PDK1: variants seen among roughly 807,000 people sequenced by gnomAD.
PDK1 encodes pyruvate dehydrogenase kinase 1.
PDK1 carries 39 observed loss-of-function variants against 54.2 expected under a neutral mutation model. The ratio of observed to expected loss-of-function variants is 0.72; its 90% CI spans 0.56 to 0.94. The LOEUF is 0.94. Among genes scored for constraint, PDK1 ranks in the 40% least tolerant of loss-of-function variants. The pLI is 0.00. For missense variants in PDK1, 552 were observed against 566.0 expected (o/e 0.98, Z 0.25); for synonymous variants, 221 against 207.1 (o/e 1.07, Z -0.58).
rs1046825462 is a variant in PDK1 at position 172,602,709 on chromosome 2, T to C, written c.*6740T>C. On this transcript the variant is annotated 3_prime_UTR_variant, in exon 11 of 11. Coordinates refer to ENST00000282077, the MANE Select transcript of PDK1 (RefSeq NM_002610.5). ...GAGCATAGAGGAAAGAAACATCTTA[T>C]GTTTCTGTGTTTGGGTAAACATTAG... is the stretch of plus-strand genomic sequence containing the variant. 6.6e-6 allele frequency: 1 copy of C among 152,246 alleles called. No homozygotes were observed. Among genetic ancestry groups the C allele is most frequent in the African/African-American group, 2.4e-5 (1 of 41,472 alleles). The allele number at this position is 152,246 out of a possible 1,614,324, so 9.4% of individuals were successfully genotyped here.
At chr2:172,610,241 C>T (rs1351386372), downstream of PDK1, among the ~76,000 whole-genome samples, 2 of 152,134 alleles carry the variant, frequency 1.3e-5, no homozygotes, top group Non-Finnish European at 2.9e-5. Flanking sequence ...AGTGGCTTTT[C>T]TTGGTTTATC....
chr2:172,720,921 G>T, the PDK1 span, among the ~76,000 whole-genome samples: 1 of 152,048 alleles, frequency 6.6e-6, no homozygotes, highest in African/African-American at 2.4e-5. Flanking sequence ...GACTCCCTCT[G>T]GTCCCCCACC....
the PDK1 span, among the ~76,000 whole-genome samples, chr2:172,628,884 T>C: frequency 3.4e-3 from 521 of 152,272 alleles, 4 homozygotes; most frequent in African/African-American, 0.012. Context: ...TTTGGGAGAC[T>C]GAGTTGGGAG....
At chr2:172,695,369 G>A in the PDK1 span, among the ~76,000 whole-genome samples, 1 of 152,180 alleles carries the variant, frequency 6.6e-6, no homozygotes, top group Non-Finnish European at 1.5e-5. Context: ...ACCAGGTCCT[G>A]TGTTCTGCCC....
rs1690225299 is a variant in PDK1 at position 172,586,335 on chromosome 2, A to G, written c.1003A>G (p.Met335Val). ...LRKIDRLFNY[M>V]YSTAPRPRVE... is the part of the protein sequence containing the mutation. ...GAAAATTGACAGACTTTTCAACTAC[A>G]TGTATTCAACTGCACCAAGACCTCG... The change falls in exon 9 of 11, where the codon ATG becomes GTG. Residue 335 changes from methionine to valine, a missense_variant. Transcript: ENST00000282077. 1 of 1,613,356 alleles carries G rather than the reference A, an allele frequency of 6.2e-7. No homozygotes were observed.
At chr2:172,581,924 T>G (rs116574804) in intron 8 of PDK1, among the ~76,000 whole-genome samples, 3,566 of 152,218 alleles carry the variant, frequency 0.023, 65 homozygotes, top group Non-Finnish European at 0.033. Context: ...GTGTGTGTGT[T>G]TTTTTATAGA....
the PDK1 span, among the ~76,000 whole-genome samples, chr2:172,700,344 G>A: frequency 3.3e-5 from 5 of 149,774 alleles, no homozygotes; most frequent in South Asian, 2.1e-4. Context: ...GGGCAGAGGC[G>A]CCCCCCACCT....
chr2:172,590,545 G>A (rs1176945597), intron 9 of PDK1, among the ~76,000 whole-genome samples: 1 of 152,144 alleles, frequency 6.6e-6, no homozygotes, highest in African/African-American at 2.4e-5. Context: ...CTCCTGGTGG[G>A]TTCATGGTCT....
At chr2:172,639,912 A>C in the PDK1 span, among the ~76,000 whole-genome samples, 9 of 152,226 alleles carry the variant, frequency 5.9e-5, no homozygotes, top group African/African-American at 2.2e-4. Context: ...GAGACATGTA[A>C]AGAATGAGCA....
chr2:172,669,252 G>A, the PDK1 span, among the ~76,000 whole-genome samples: 2 of 151,504 alleles, frequency 1.3e-5, no homozygotes, highest in Non-Finnish European at 2.9e-5. Context: ...GTAGAGACGG[G>A]GTTTCACCGT....
At chr2:172,687,420 TC>T in the PDK1 span, among the ~76,000 whole-genome samples, 1 of 152,320 alleles carries the variant, frequency 6.6e-6, no homozygotes, top group Non-Finnish European at 1.5e-5. Flanking sequence ...ATGTGTCCTA[TC>T]TTTTTACATT....
upstream of PDK1, chr2:172,556,020 T>G (rs1218791207): frequency 1.6e-6 from 1 of 610,430 alleles, no homozygotes; most frequent in East Asian, 3.6e-5. Context: ...GGGCTCCGGC[T>G]AGGAGGGTGG....
At chr2:172,709,744 T>C in the PDK1 span, among the ~76,000 whole-genome samples, 4 of 152,228 alleles carry the variant, frequency 2.6e-5, no homozygotes, top group Admixed American at 2.0e-4. Flanking sequence ...CAAGTCACTA[T>C]GTAAATAACG....
chr2:172,703,887 C>G, the PDK1 span, among the ~76,000 whole-genome samples: 1 of 150,430 alleles, frequency 6.6e-6, no homozygotes, highest in African/African-American at 2.5e-5. Context: ...ATTCTCCTGC[C>G]TCATCCTCCT....
intron 8 of PDK1, among the ~76,000 whole-genome samples, chr2:172,579,453 C>A (rs1689760887): frequency 6.6e-6 from 1 of 151,500 alleles, no homozygotes; most frequent in South Asian, 2.1e-4. Flanking sequence ...TTGCTGCATG[C>A]CTTTAGTTAA....
At chr2:172,692,051 G>C in the PDK1 span, among the ~76,000 whole-genome samples, 1 of 152,260 alleles carries the variant, frequency 6.6e-6, no homozygotes, top group Admixed American at 6.5e-5. Flanking sequence ...CACTTGAAAA[G>C]GCATCAGTGA....
chr2:172,556,261 G>A lies in PDK1; in HGVS notation c.111G>A (p.Ala37=). 6.7e-7 allele frequency: 1 copy of A among 1,483,276 alleles called. No homozygotes were observed. 91.9% of individuals were successfully genotyped at this position (1,483,276 alleles called of 1,614,324 possible). A position where few individuals can be genotyped will look rare whatever the true frequency, so the allele number is the denominator to read the frequency against. The change falls in exon 1 of 11, where the codon GCG becomes GCA. Residue 37 remains alanine, a synonymous_variant. Transcript: ENST00000282077. ...GCTCGGACTCGGGCTCCAGCCCGGC[G>A]TCCGAGCGCGGCGTTCCGGGCCAGG... ...SFSSDSGSSP[A]SERGVPGQVD...
the PDK1 span, among the ~76,000 whole-genome samples, chr2:172,675,840 A>C: frequency 1.3e-5 from 2 of 152,192 alleles, no homozygotes; most frequent in African/African-American, 4.8e-5. Context: ...TCAGAATTAG[A>C]GAGAAGAAGC....
chr2:172,682,541 A>C, the PDK1 span, among the ~76,000 whole-genome samples: 4 of 152,202 alleles, frequency 2.6e-5, no homozygotes, highest in African/African-American at 9.6e-5. Flanking sequence ...ACCAGGGACC[A>C]CATTTCCTGT....
Sources: allele counts gnomAD v4.1 joint callset (sites outside exome capture counted in the v4.1 genomes callset), GRCh38; gene constraint gnomAD v4.1.1; transcripts MANE v1.5; gene names NCBI Gene and HGNC (gene_info 2026-07-23, HGNC 2026-07-21).